Variants in AARS2 observed in about 807,000 individuals in gnomAD.
The protein encoded by AARS2 is alanyl-tRNA synthetase 2, mitochondrial, also known as alanine--tRNA ligase, mitochondrial.
AARS2 carries 78 observed loss-of-function variants against 119.7 expected under a neutral mutation model. The ratio of observed to expected loss-of-function variants is 0.65; its 90% CI spans 0.54 to 0.79. The LOEUF is 0.79. Among genes scored for constraint, AARS2 ranks in the 30% least tolerant of loss-of-function variants. AARS2 has a pLI of 0.00. For missense variants in AARS2, 1,157 were observed against 1,291.3 expected, an observed-to-expected ratio of 0.90 and a Z score of 1.59; for synonymous variants, 502 against 526.3, an observed-to-expected ratio of 0.95 and a Z score of 0.63.
rs375537541 is a variant in AARS2 at position 44,307,074 on chromosome 6, T to C, written c.1041-43A>G. 6 of 1,608,842 alleles carry C rather than the reference T, an allele frequency of 3.7e-6. No individual in the cohort carries two copies. The East Asian group carries it at 6.7e-5, about 18-fold the overall frequency. ...CCAGACATGAATCCCCAGCGGCTCA[T>C]GGTCAGCAATATGGGGAGTGGGAAG... is the stretch of plus-strand genomic sequence containing the variant. On this transcript the variant is annotated intron_variant, in intron 6 of 21. Transcript: ENST00000244571. The surrounding 1 kb of genome is among the most constrained non-coding windows in gnomAD (Gnocchi z 4.4).
chr6:44,301,461 C>G lies in AARS2; in HGVS notation c.2602G>C (p.Ala868Pro). 1 of 1,612,814 alleles carries G rather than the reference C, an allele frequency of 6.2e-7. No homozygotes were observed. The change falls in exon 20 of 22, where the codon GCA becomes CCA. Residue 868 changes from alanine (A) to proline (P), a missense_variant. Transcript: ENST00000244571. Reference sequence around the variant, plus strand: ...TCCAGCAGCTCCTGAGTTTTCTTTGCAGCCTATGGGGCAGGAAGGACAAGC... The same window carrying G: ...TCCAGCAGCTCCTGAGTTTTCTTTGGAGCCTATGGGGCAGGAAGGACAAGC... ...AIRKLQMGQA[A>P]KKTQELLERH...
Position 44,300,579 on chromosome 6 carries a change from T to C in AARS2, c.2926A>G (p.Ile976Val). ...STTDLEAALSIAQTYALSQL is the reference protein window; with the variant it reads ...STTDLEAALSVAQTYALSQL The stretch of plus-strand genomic sequence containing the variant: ...TGGCTGAGGGCATAGGTTTGGGCTA[T>C]ACTGAGGGCAGCTTCCAGGTCAGTA... Residue 976 changes from isoleucine (I) to valine (V), a missense_variant, in exon 22 of 22, where the codon ATA (isoleucine) becomes GTA (valine). Coordinates refer to ENST00000244571, the MANE Select transcript of AARS2 (RefSeq NM_020745.4). 1 of 1,614,080 alleles carries C rather than the reference T, an allele frequency of 6.2e-7. No homozygotes were observed.
intron 13 of AARS2, 36 bp downstream of exon 13, chr6:44,304,384 T>C (rs779425878): frequency 1.2e-6 from 2 of 1,614,108 alleles, no homozygotes; most frequent in East Asian, 4.5e-5. Flanking sequence ...GTGAAGGGGC[T>C]GCAGGGTATT....
rs968663681 is a variant in AARS2 at position 44,312,640 on chromosome 6, G to A, written c.244-377C>T. On this transcript the variant is annotated intron_variant, in intron 1 of 21. Coordinates refer to ENST00000244571, the MANE Select transcript of AARS2 (RefSeq NM_020745.4). ...TGAGACTCATTTAGTAGGGAGCCCA[G>A]ACGGCCTCTAAGGTTAACTTATGCC... Among the ~76,000 whole-genome samples the A allele has an allele frequency of 3.9e-5, 6 of 152,170 alleles. No homozygotes were observed. In the South Asian group the frequency reaches 6.2e-4, roughly 16 times the overall value.
intron 1 of AARS2, 84 bp from the exon 2 acceptor site, chr6:44,312,347 G>C (rs1159276571): frequency 7.1e-7 from 1 of 1,411,654 alleles, no homozygotes; most frequent in Non-Finnish European, 9.8e-7. Context: ...GATAGGGATG[G>C]CTGTTCAGAC....
Position 44,304,813 on chromosome 6 carries a change from G to GGCC in AARS2, c.1583_1584insGGC (p.Phe528delinsLeuAla). 6.2e-7 allele frequency: 1 copy of GGCC among 1,614,134 alleles called. No individual in the cohort carries two copies. Among genetic ancestry groups the GGCC allele is most frequent in the East Asian group, 2.2e-5 (1 of 44,884 alleles). ...GCAACACCTGGGCCTCACAGGTGCCGAACTCTGCCAGGGCACAGAATGGTT... is the reference window on the plus strand; with the variant it reads ...GCAACACCTGGGCCTCACAGGTGCCGGCCAACTCTGCCAGGGCACAGAATGGTT... On this transcript the variant is annotated protein_altering_variant, in exon 12 of 22. Transcript: ENST00000244571.
At chr6:44,302,961 G>A (rs325003) in intron 16 of AARS2, 51 bp from the exon 17 acceptor site, 3 of 1,605,140 alleles carry the variant, frequency 1.9e-6, no homozygotes, top group Admixed American at 1.7e-5. Context: ...GTAGAGAAGG[G>A]AGAAGCCAGC....
chr6:44,305,716 C>T lies in AARS2; in HGVS notation c.1371G>A (p.Leu457=). The change falls in exon 10 of 22, where the codon CTG becomes CTA. Residue 457 remains leucine (L), a synonymous_variant. Transcript: ENST00000244571. This position sits in a 1 kb window ranked among gnomAD's most constrained non-coding sequence, Gnocchi z 4.6. ...AGTCTAGCTGGACCCCTTTCTCCTCCAGCATCAGCTCTACCATGTCCAAGG... is the reference window on the plus strand; with the variant it reads ...AGTCTAGCTGGACCCCTTTCTCCTCTAGCATCAGCTCTACCATGTCCAAGG... ...GLPLDMVELM[L]EEKGVQLDSA... 6.2e-7 allele frequency: 1 copy of T among 1,614,146 alleles called. No individual in the cohort carries two copies. Among genetic ancestry groups the T allele is most frequent in the South Asian group, 1.1e-5 (1 of 91,080 alleles).
chr6:44,307,564 T>C lies in AARS2; in HGVS notation c.895-170A>G. 1 of 798,328 alleles carries C rather than the reference T, an allele frequency of 1.3e-6. No homozygotes were observed. The highest frequency in any genetic ancestry group is 1.7e-5 in the South Asian group (1 of 58,402). The allele number at this position is 798,328 out of a possible 1,614,324, so 49.5% of individuals were successfully genotyped here. On this transcript the variant is annotated intron_variant, in intron 5 of 21. Transcript: ENST00000244571. This position sits in a 1 kb window ranked among gnomAD's most constrained non-coding sequence, Gnocchi z 4.4. ...TCACAGATGAGCACAAGCCAGGCCCTGCCCTCACGGGGCTCATATTTGGTG... is the reference window on the plus strand; with the variant it reads ...TCACAGATGAGCACAAGCCAGGCCCCGCCCTCACGGGGCTCATATTTGGTG...
Position 44,304,864 on chromosome 6 carries a change from C to T in AARS2, c.1580-47G>A, listed in dbSNP as rs745414693. 25 of 1,612,902 alleles carry T rather than the reference C, an allele frequency of 1.6e-5. No individual in the cohort carries two copies. The African/African-American group carries it at 1.7e-4, about 11-fold the overall frequency. ...ATTAGTGGTGGGCAGGGGCTGGGGA[C>T]GTGAAGGTGGGTCTGTGCCTGGAGG... On this transcript the variant is annotated intron_variant, in intron 11 of 21. Transcript: ENST00000244571.
intron 5 of AARS2, among the ~76,000 whole-genome samples, chr6:44,309,260 C>T (rs938170672): frequency 5.9e-5 from 9 of 152,236 alleles, no homozygotes. Context: ...GTCACCCCTA[C>T]TGCCCCCAAA....
chr6:44,308,937 C>A (rs925264457), intron 5 of AARS2, among the ~76,000 whole-genome samples: 4 of 152,158 alleles, frequency 2.6e-5, no homozygotes, highest in African/African-American at 9.7e-5. Context: ...GAATCAAGGC[C>A]CCACTTTGGA....
chr6:44,313,270 C>T lies in AARS2; in HGVS notation c.54G>A (p.Arg18=). The T allele has an allele frequency of 6.3e-7, 1 of 1,597,972 alleles. No homozygotes were observed. The highest frequency in any genetic ancestry group is 8.5e-7 in the Non-Finnish European group (1 of 1,175,926). Residue 18 remains arginine, a synonymous_variant, in exon 1 of 22, where the codon AGG becomes AGA. Coordinates refer to ENST00000244571, the MANE Select transcript of AARS2 (RefSeq NM_020745.4). ...AARRLRRAIR[R]SPAWRGLSHR... is the part of the protein sequence containing the mutation. ...GGCTGAGGCCCCGCCATGCGGGCGA[C>T]CTTCGAATGGCCCGCCGCAGCCTCC...
chr6:44,302,299 T>C (rs903843800), intron 18 of AARS2, 92 bp downstream of exon 18: 56 of 1,610,992 alleles, frequency 3.5e-5, no homozygotes, highest in South Asian at 1.9e-4. Flanking sequence ...CCCAACCCAA[T>C]TGGAGTGCTA....
chr6:44,303,228 C>T (rs1785515126), intron 15 of AARS2, 53 bp from the exon 16 acceptor site: 2 of 1,614,100 alleles, frequency 1.2e-6, no homozygotes, highest in South Asian at 2.2e-5. Flanking sequence ...AGGATAAAGC[C>T]TCCAGGTATG....
At chr6:44,311,601 T>C (rs1330404900) in intron 2 of AARS2, 66 bp from the exon 3 acceptor site, 1 of 1,577,774 alleles carries the variant, frequency 6.3e-7, no homozygotes, top group African/African-American at 1.4e-5. Flanking sequence ...ACTGAAGTAA[T>C]CAAGCCACAT....
rs372864557 is a variant in AARS2 at position 44,306,271 on chromosome 6, C to A, written c.1300+9G>T. 77 of 1,613,848 alleles carry A rather than the reference C, an allele frequency of 4.8e-5. No homozygotes were observed. The African/African-American group carries it at 8.9e-4, about 19-fold the overall frequency. On this transcript the variant is annotated intron_variant, in intron 9 of 21. Coordinates refer to ENST00000244571, the MANE Select transcript of AARS2 (RefSeq NM_020745.4). Reference sequence around the variant, plus strand: ...AGCCCCTTGTGCATGGGCTAGGTATCCTGCTTACCAGGGAACATATCTGAA... The same window carrying A: ...AGCCCCTTGTGCATGGGCTAGGTATACTGCTTACCAGGGAACATATCTGAA...
intron 5 of AARS2, among the ~76,000 whole-genome samples, chr6:44,309,303 G>A (rs1786150511): frequency 6.6e-6 from 1 of 152,194 alleles, no homozygotes; most frequent in African/African-American, 2.4e-5. Context: ...AGGAGCTGCG[G>A]CCTCTCAGCT....
At chr6:44,306,818 G>T in intron 7 of AARS2, 105 bp downstream of exon 7, 2 of 1,066,930 alleles carry the variant, frequency 1.9e-6, no homozygotes, top group Non-Finnish European at 2.9e-6. Context: ...GATATTTAGG[G>T]TGGGGACCTC....
Sources: gnomAD v4.1 joint callset for allele counts (sites outside exome capture counted in the v4.1 genomes callset) on GRCh38, gnomAD v4.1.1 for gene constraint, Gnocchi (gnomAD v3.1) non-coding constraint, MANE v1.5 for transcripts, NCBI Gene and HGNC (gene_info 2026-07-23, HGNC 2026-07-21) for gene names.